MMP26: variants seen among roughly 807,000 people sequenced by gnomAD.
MMP26 encodes matrix metallopeptidase 26, also known as matrix metalloproteinase-26.
Under a neutral mutation model 31.0 loss-of-function variants are expected in MMP26, and 33 were observed. That is an observed-to-expected ratio of 1.06 (90% CI 0.81 to 1.42). The LOEUF is 1.42. MMP26 is among the 40% of genes most tolerant of loss of function. MMP26 has a pLI of 0.00. For synonymous variants in MMP26, 122 were observed against 114.9 expected, an observed-to-expected ratio of 1.06 and a Z score of -0.40; for missense variants, 347 against 316.1, an observed-to-expected ratio of 1.10 and a Z score of -0.74.
At chr11:4,733,347 A>G (rs945601927) in intron 1 of MMP26, among the ~76,000 whole-genome samples, 2 of 152,160 alleles carry the variant, frequency 1.3e-5, no homozygotes, top group Non-Finnish European at 2.9e-5. Flanking sequence ...TATTTCAGCA[A>G]TATTTTGGTG....
At chr11:4,946,087 A>T in intron 2 of MMP26, 1 of 1,353,158 alleles carries the variant, frequency 7.4e-7, no homozygotes, top group Non-Finnish European at 1.0e-6. Context: ...TCTTGGTGTC[A>T]AATATTAGGT....
intron 2 of MMP26, among the ~76,000 whole-genome samples, chr11:4,768,678 G>A (rs1185032067): frequency 2.0e-5 from 3 of 152,066 alleles, no homozygotes; most frequent in Non-Finnish European, 4.4e-5. Context: ...AAGAATAAAT[G>A]GAATATGTCT....
rs201302993 is a variant in MMP26, at chr11:4,780,839, A to G, written c.-145+13498A>G. On this transcript the variant is annotated intron_variant, in intron 2 of 7. Coordinates refer to ENST00000380390, the MANE Select transcript of MMP26 (RefSeq NM_021801.5). ...TTTAAAATAAAATATATAAACATATATTGATAAATATATAAATTAATGTAT... is the reference window on the plus strand; with the variant it reads ...TTTAAAATAAAATATATAAACATATGTTGATAAATATATAAATTAATGTAT... Among the ~76,000 whole-genome samples, 3 of 151,422 alleles carry G rather than the reference A, an allele frequency of 2.0e-5. No individual in the cohort carries two copies. The East Asian group carries it at 5.8e-4, about 29-fold the overall frequency.
At chr11:4,730,014 A>G (rs971385623) in intron 1 of MMP26, among the ~76,000 whole-genome samples, 1 of 139,108 alleles carries the variant, frequency 7.2e-6, no homozygotes, top group African/African-American at 2.5e-5. Context: ...TGGTCATGAG[A>G]CAATGTTTTA....
chr11:4,763,371 A>G (rs1047545497), intron 1 of MMP26, among the ~76,000 whole-genome samples: 1 of 152,234 alleles, frequency 6.6e-6, no homozygotes, highest in African/African-American at 2.4e-5. Flanking sequence ...ACAGAAAGTC[A>G]TGTTGCCAGA....
chr11:4,939,895 C>T (rs1469641840), intron 2 of MMP26, among the ~76,000 whole-genome samples: 1 of 152,032 alleles, frequency 6.6e-6, no homozygotes, highest in African/African-American at 2.4e-5. Flanking sequence ...AAGCCGTATA[C>T]CTTGCTTTCT....
At chr11:4,743,147 C>T (rs1848336340) in intron 1 of MMP26, among the ~76,000 whole-genome samples, 1 of 151,958 alleles carries the variant, frequency 6.6e-6, no homozygotes, top group Non-Finnish European at 1.5e-5. Flanking sequence ...ATTAAAAAGG[C>T]AAGTGTTTAT....
At chr11:4,773,197 T>C (rs186771896) in intron 2 of MMP26, among the ~76,000 whole-genome samples, 5 of 152,186 alleles carry the variant, frequency 3.3e-5, no homozygotes, top group Non-Finnish European at 7.4e-5. Flanking sequence ...ATGTTTATCC[T>C]CTGCTGTTGA....
At chr11:4,780,880 T>C (rs1848849349) in intron 2 of MMP26, among the ~76,000 whole-genome samples, 1 of 151,562 alleles carries the variant, frequency 6.6e-6, no homozygotes, top group Non-Finnish European at 1.5e-5. Context: ...AATAAATCTT[T>C]ATAGGTAAAT....
intron 1 of MMP26, among the ~76,000 whole-genome samples, chr11:4,743,884 C>G (rs1253606967): frequency 6.6e-6 from 1 of 152,168 alleles, no homozygotes; most frequent in Non-Finnish European, 1.5e-5. Context: ...TAGCTCACTG[C>G]AGCCTTGACC....
chr11:4,850,502 T>C (rs921976487), intron 2 of MMP26, among the ~76,000 whole-genome samples: 1 of 152,164 alleles, frequency 6.6e-6, no homozygotes, highest in African/African-American at 2.4e-5. Flanking sequence ...CAAGAAGGAC[T>C]GGACACACAC....
At chr11:4,767,788 C>A (rs1301645595) in intron 2 of MMP26, among the ~76,000 whole-genome samples, 2 of 152,158 alleles carry the variant, frequency 1.3e-5, no homozygotes, top group East Asian at 3.9e-4. Context: ...GTACCTGGTA[C>A]ATTTCTTCCA....
intron 2 of MMP26, among the ~76,000 whole-genome samples, chr11:4,838,000 G>A (rs2133486046): frequency 6.6e-6 from 1 of 151,676 alleles, no homozygotes; most frequent in East Asian, 1.9e-4. Context: ...GCAAGAAAAA[G>A]GCATTCTCTG....
chr11:4,834,136 A>G (rs914938219), intron 2 of MMP26, among the ~76,000 whole-genome samples: 2 of 152,136 alleles, frequency 1.3e-5, no homozygotes, highest in East Asian at 3.9e-4. Flanking sequence ...TCTAGGCTCA[A>G]CACAGCACTC....
chr11:4,831,117 C>G (rs1036082672), intron 2 of MMP26, among the ~76,000 whole-genome samples: 1 of 152,190 alleles, frequency 6.6e-6, no homozygotes. Flanking sequence ...TCCTTCACTA[C>G]TTTCTATTTC....
At chr11:4,924,023 A>G (rs1357636985) in intron 2 of MMP26, 1 of 1,614,160 alleles carries the variant, frequency 6.2e-7, no homozygotes, top group East Asian at 2.2e-5. Context: ...CAAGGTGTGG[A>G]TGAAGAAGAG....
chr11:4,886,416 T>G lies in MMP26; in HGVS notation c.-144-101652T>G, dbSNP rs548496653. ...AAGTAATAAATTCTACCTTCCCAGG[T>G]TCTTGCAAAAGTAAATACTGTTAAT... is the stretch of plus-strand genomic sequence containing the variant. On this transcript the variant is annotated intron_variant, in intron 2 of 7. Transcript: ENST00000380390. 2.0e-5 allele frequency among the ~76,000 whole-genome samples: 3 copies of G among 152,228 alleles called. No homozygotes were observed. The South Asian group carries it at 6.2e-4, about 32-fold the overall frequency.
intron 2 of MMP26, chr11:4,907,269 T>A (rs1301355821): frequency 1.4e-6 from 1 of 715,350 alleles, no homozygotes. Context: ...AGTATACGAA[T>A]GAACCCCTTA....
intron 1 of MMP26, among the ~76,000 whole-genome samples, chr11:4,726,720 T>G (rs1419087740): frequency 6.6e-6 from 1 of 152,148 alleles, no homozygotes; most frequent in Non-Finnish European, 1.5e-5. Flanking sequence ...TAAGTAGGAC[T>G]TTTTGGCCCA....
Sources: gnomAD v4.1 joint callset for allele counts (sites outside exome capture counted in the v4.1 genomes callset) on GRCh38, gnomAD v4.1.1 for gene constraint, MANE v1.5 for transcripts, NCBI Gene and HGNC (gene_info 2026-07-23, HGNC 2026-07-21) for gene names.